Variants in ZFHX3 observed in about 807,000 individuals in gnomAD.
ZFHX3 encodes zinc finger homeobox 3.
In ZFHX3, 42 loss-of-function variants were observed where a neutral mutation model predicts 279.1. That is an observed-to-expected ratio of 0.15 (90% confidence interval 0.12 to 0.19). The LOEUF (loss-of-function observed/expected upper bound fraction) is 0.19. ZFHX3 is among the 10% of genes least tolerant of loss of function. ZFHX3 has a pLI of 1.00. For missense variants in ZFHX3, 4,981 were observed against 4,754.0 expected (o/e 1.05, Z -1.40); for synonymous variants, 2,293 against 1,957.8 (o/e 1.17, Z -4.52).
rs547150649 is a variant in ZFHX3 at position 73,025,226 on chromosome 16, C to T, written c.-50+22526G>A. The stretch of plus-strand genomic sequence containing the variant: ...AACAGGAACGTTCCCCTCCCCACAA[C>T]GACCGCCCTGCACCGCCCTGCCCCA... On this transcript the variant is annotated intron_variant, in intron 1 of 9. Coordinates refer to ENST00000268489, the MANE Select transcript of ZFHX3 (RefSeq NM_006885.4). 1.7e-4 allele frequency among the ~76,000 whole-genome samples: 26 copies of T among 152,268 alleles called. No homozygotes were observed. The South Asian group carries it at 3.1e-3, about 18-fold the overall frequency.
intron 3 of ZFHX3, among the ~76,000 whole-genome samples, chr16:72,916,737 G>A (rs1451569301): frequency 3.3e-5 from 5 of 152,130 alleles, no homozygotes; most frequent in South Asian, 2.1e-4. Flanking sequence ...TAGGCACCAC[G>A]GCAAAGGATG....
At chr16:73,168,980 A>G (rs1337490475) in intron 5 of ZFHX3, among the ~76,000 whole-genome samples, 1 of 152,128 alleles carries the variant, frequency 6.6e-6, no homozygotes, top group Non-Finnish European at 1.5e-5. Flanking sequence ...AACTTCATTC[A>G]GCTTATATTT....
At chr16:73,436,316 C>T (rs574337296) in intron 3 of ZFHX3, among the ~76,000 whole-genome samples, 3 of 152,132 alleles carry the variant, frequency 2.0e-5, no homozygotes, top group Admixed American at 1.3e-4. Flanking sequence ...AGTGAAACTC[C>T]GTCTCAACAA....
chr16:73,647,573 A>G (rs1029367472), intron 2 of ZFHX3, among the ~76,000 whole-genome samples: 10 of 152,172 alleles, frequency 6.6e-5, no homozygotes, highest in African/African-American at 1.7e-4. Context: ...AAGCCTGTGG[A>G]ACTGTGAGTC....
chr16:72,839,763 T>C (rs939301943), intron 4 of ZFHX3, among the ~76,000 whole-genome samples: 1 of 151,504 alleles, frequency 6.6e-6, no homozygotes, highest in Non-Finnish European at 1.5e-5. Flanking sequence ...GAATTGGGGG[T>C]TCATGACAAT....
rs963603449 is a variant in ZFHX3, at chr16:72,788,016, T to C, written c.10260A>G (p.Lys3420=). 1 of 1,612,166 alleles carries C rather than the reference T, an allele frequency of 6.2e-7. No homozygotes were observed. The highest frequency in any genetic ancestry group is 8.5e-7 in the Non-Finnish European group (1 of 1,179,546). ...GGGGGGTGTTTTTCTGTTCTTCTGGTTTGGGGGATTCTTTGGCAGGGTCTT... is the reference window on the plus strand; with the variant it reads ...GGGGGGTGTTTTTCTGTTCTTCTGGCTTGGGGGATTCTTTGGCAGGGTCTT... ...PDKDPAKESP[K]PEEQKNTPRE... is the part of the protein sequence containing the mutation. Residue 3420 remains lysine (K), a synonymous_variant, in exon 10 of 10, where the codon AAA becomes AAG. Coordinates refer to ENST00000268489, the MANE Select transcript of ZFHX3 (RefSeq NM_006885.4).
chr16:73,197,580 T>C (rs538068633), intron 5 of ZFHX3, among the ~76,000 whole-genome samples: 1 of 152,358 alleles, frequency 6.6e-6, no homozygotes, highest in Admixed American at 6.5e-5. Flanking sequence ...CCATGACTTA[T>C]CTGGATATTT....
chr16:73,265,828 T>C (rs1362035283), intron 4 of ZFHX3, among the ~76,000 whole-genome samples: 1 of 152,184 alleles, frequency 6.6e-6, no homozygotes, highest in Non-Finnish European at 1.5e-5. Context: ...CTCTATTCTA[T>C]AGGGACATTA....
chr16:72,985,637 C>T (rs965467738), intron 1 of ZFHX3, among the ~76,000 whole-genome samples: 67 of 152,182 alleles, frequency 4.4e-4, no homozygotes, highest in Non-Finnish European at 2.8e-4. Flanking sequence ...TCCACACACA[C>T]AAAAAGACGC....
intron 2 of ZFHX3, among the ~76,000 whole-genome samples, chr16:73,589,451 G>T (rs1002567574): frequency 1.4e-5 from 2 of 143,438 alleles, no homozygotes; most frequent in Admixed American, 7.1e-5. Context: ...AAAAAAAAAG[G>T]CTGGGCACGG....
chr16:73,139,380 A>C (rs1036763296), intron 6 of ZFHX3, among the ~76,000 whole-genome samples: 5 of 152,248 alleles, frequency 3.3e-5, no homozygotes, highest in African/African-American at 1.2e-4. Flanking sequence ...GATAGGACGA[A>C]GTCCAGGTTA....
chr16:73,510,886 C>T (rs1262269736), intron 2 of ZFHX3, among the ~76,000 whole-genome samples: 2 of 152,260 alleles, frequency 1.3e-5, no homozygotes, highest in Non-Finnish European at 2.9e-5. Flanking sequence ...GGGCAACTCA[C>T]ACGTGCTGTG....
chr16:72,944,216 C>T (rs1039410498), intron 3 of ZFHX3, among the ~76,000 whole-genome samples: 7 of 152,078 alleles, frequency 4.6e-5, no homozygotes, highest in African/African-American at 1.2e-4. Flanking sequence ...GCCTGGGAGG[C>T]AGACGTTGCA....
chr16:72,925,753 G>C (rs941786824), intron 3 of ZFHX3, among the ~76,000 whole-genome samples: 1 of 152,202 alleles, frequency 6.6e-6, no homozygotes, highest in Non-Finnish European at 1.5e-5. Context: ...GTCACCTTCG[G>C]GCCTACTCCT....
intron 4 of ZFHX3, among the ~76,000 whole-genome samples, chr16:72,888,257 T>C (rs942770382): frequency 2.0e-5 from 3 of 152,204 alleles, no homozygotes; most frequent in Non-Finnish European, 4.4e-5. Context: ...ACATCCATGA[T>C]GGCTGAATGG....
chr16:73,402,208 ACACCAT>A (rs2017270585), intron 3 of ZFHX3: 1 of 152,152 alleles, frequency 6.6e-6, no homozygotes, highest in Non-Finnish European at 1.5e-5. Flanking sequence ...TTTCTTGATC[ACACCAT>A]CCGCTGAGTT....
chr16:73,515,340 AATATGTAAAG>A (rs1462967362), intron 2 of ZFHX3, among the ~76,000 whole-genome samples: 2 of 152,162 alleles, frequency 1.3e-5, no homozygotes, highest in East Asian at 3.9e-4. Flanking sequence ...GACCAAGTCA[AATATGTAAAG>A]GGATCCCTTA....
chr16:73,367,579 C>A (rs146648004), intron 3 of ZFHX3, among the ~76,000 whole-genome samples: 1 of 152,208 alleles, frequency 6.6e-6, no homozygotes, highest in African/African-American at 2.4e-5. Context: ...TGGTTTCTCC[C>A]TTTCCATCAA....
intron 3 of ZFHX3, among the ~76,000 whole-genome samples, chr16:73,374,581 G>A (rs1396873606): frequency 2.0e-5 from 3 of 152,108 alleles, no homozygotes; most frequent in Admixed American, 1.3e-4. Flanking sequence ...GAACATCCAG[G>A]CAATATTCAA....
Sources: gnomAD v4.1 joint callset for allele counts (sites outside exome capture counted in the v4.1 genomes callset) on GRCh38, gnomAD v4.1.1 for gene constraint, MANE v1.5 for transcripts, NCBI Gene and HGNC (gene_info 2026-07-23, HGNC 2026-07-21) for gene names.